Variants in RBFOX1 observed in about 807,000 individuals in gnomAD.
RBFOX1 encodes RNA binding protein fox-1 homolog 1.
A neutral mutation model predicts 57.7 loss-of-function variants in RBFOX1; 8 were observed. The observed-to-expected ratio is 0.14, with a 90% CI of 0.08 to 0.25. The LOEUF (loss-of-function observed/expected upper bound fraction) is 0.25, where lower values mean the gene tolerates loss of function less well. RBFOX1 is among the 10% of genes least tolerant of loss of function. The pLI is 1.00. For missense variants in RBFOX1, 611 were observed against 548.5 expected (o/e 1.11, Z -1.14); for synonymous variants, 326 against 222.4 (o/e 1.47, Z -4.15).
At chr16:7,464,031 C>G (rs914471140) in intron 4 of RBFOX1, among the ~76,000 whole-genome samples, 3 of 152,188 alleles carry the variant, frequency 2.0e-5, no homozygotes, top group African/African-American at 7.2e-5. Context: ...GACTCCAAAG[C>G]CTTGGCTGCT....
intron 4 of RBFOX1, among the ~76,000 whole-genome samples, chr16:7,077,349 T>C (rs2058468226): frequency 4.6e-5 from 7 of 152,050 alleles, no homozygotes; most frequent in Admixed American, 3.3e-4. Flanking sequence ...CTGCAATGAG[T>C]TTTACGTGAT....
intron 4 of RBFOX1, among the ~76,000 whole-genome samples, chr16:5,884,804 G>A (rs2057856266): frequency 6.6e-6 from 1 of 152,124 alleles, no homozygotes; most frequent in Non-Finnish European, 1.5e-5. Context: ...GTGAGGTCCA[G>A]AAGGTGCTCT....
intron 3 of RBFOX1, among the ~76,000 whole-genome samples, chr16:6,832,462 A>G (rs1034595406): frequency 1.3e-5 from 2 of 152,174 alleles, no homozygotes; most frequent in Non-Finnish European, 2.9e-5. Flanking sequence ...AAAACCCAGC[A>G]GTGGTTGACT....
intron 3 of RBFOX1, among the ~76,000 whole-genome samples, chr16:6,685,831 G>A (rs888354603): frequency 7.9e-5 from 12 of 152,054 alleles, no homozygotes; most frequent in Non-Finnish European, 1.6e-4. Context: ...TGTCATGAAA[G>A]TGTTTCCTAC....
chr16:6,567,231 T>G (rs2097279365), intron 2 of RBFOX1, among the ~76,000 whole-genome samples: 1 of 152,218 alleles, frequency 6.6e-6, no homozygotes, highest in Non-Finnish European at 1.5e-5. Flanking sequence ...AGCAGCTTCC[T>G]AATCTCCAAA....
intron 1 of RBFOX1, among the ~76,000 whole-genome samples, chr16:6,188,152 T>C (rs8044490): frequency 0.96 from 146,678 of 152,200 alleles, 70,920 homozygotes; most frequent in East Asian, 1. Context: ...CTGTATCTTC[T>C]ATGTATGCTC....
At chr16:6,533,484 C>A (rs775422290) in intron 2 of RBFOX1, among the ~76,000 whole-genome samples, 7 of 152,166 alleles carry the variant, frequency 4.6e-5, no homozygotes, top group African/African-American at 1.7e-4. Flanking sequence ...GTTCTGGACT[C>A]TACACTTGAC....
chr16:6,600,638 C>T (rs571939121), intron 2 of RBFOX1, among the ~76,000 whole-genome samples: 10 of 152,222 alleles, frequency 6.6e-5, no homozygotes, highest in African/African-American at 1.2e-4. Flanking sequence ...AAACAGTGGA[C>T]GGGACACATC....
intron 3 of RBFOX1, among the ~76,000 whole-genome samples, chr16:6,860,773 C>A (rs184295494): frequency 6.6e-6 from 1 of 152,082 alleles, no homozygotes; most frequent in South Asian, 2.1e-4. Context: ...TGTTGAACAA[C>A]AACAAAAAGT....
intron 4 of RBFOX1, among the ~76,000 whole-genome samples, chr16:7,454,751 T>A (rs954488166): frequency 2.0e-5 from 3 of 152,218 alleles, no homozygotes; most frequent in African/African-American, 7.2e-5. Flanking sequence ...ATTTCTACCA[T>A]GAACATGTGC....
At chr16:5,933,478 C>G (rs1316260364) in intron 4 of RBFOX1, among the ~76,000 whole-genome samples, 2 of 152,146 alleles carry the variant, frequency 1.3e-5, no homozygotes, top group East Asian at 3.9e-4. Flanking sequence ...ATCACAGGGA[C>G]CGTCAGGGTT....
chr16:5,770,627 G>C (rs926131922), intron 3 of RBFOX1, among the ~76,000 whole-genome samples: 1 of 152,172 alleles, frequency 6.6e-6, no homozygotes, highest in African/African-American at 2.4e-5. Flanking sequence ...AACACGCTTT[G>C]CTTTCATTTT....
At chr16:6,126,615 A>G (rs1339788608) in intron 1 of RBFOX1, among the ~76,000 whole-genome samples, 1 of 152,174 alleles carries the variant, frequency 6.6e-6, no homozygotes, top group Non-Finnish European at 1.5e-5. Context: ...CTACCAGGTC[A>G]GGTATGATGG....
chr16:6,508,335 A>C (rs1598482796), intron 2 of RBFOX1, among the ~76,000 whole-genome samples: 1 of 152,330 alleles, frequency 6.6e-6, no homozygotes, highest in Non-Finnish European at 1.5e-5. Flanking sequence ...CCTATGTAAC[A>C]AACCTGCACT....
chr16:7,261,891 G>C (rs2094933120), intron 4 of RBFOX1, among the ~76,000 whole-genome samples: 2 of 152,272 alleles, frequency 1.3e-5, no homozygotes, highest in South Asian at 4.2e-4. Context: ...GGCATCAATA[G>C]TGTGAAAAGC....
chr16:6,889,834 C>T (rs757964654), intron 3 of RBFOX1, among the ~76,000 whole-genome samples: 1 of 152,328 alleles, frequency 6.6e-6, no homozygotes, highest in East Asian at 1.9e-4. Flanking sequence ...TTCACAGACA[C>T]AGCAGGAAAC....
intron 1 of RBFOX1, among the ~76,000 whole-genome samples, chr16:6,096,851 C>T (rs796929133): frequency 7.9e-5 from 12 of 152,326 alleles, no homozygotes; most frequent in South Asian, 6.2e-4. Flanking sequence ...CATCAGCCTC[C>T]GCTGGGAAGG....
intron 14 of RBFOX1, among the ~76,000 whole-genome samples, chr16:7,694,671 T>C (rs2078236292): frequency 6.6e-6 from 1 of 152,214 alleles, no homozygotes; most frequent in Non-Finnish European, 1.5e-5. Flanking sequence ...AACACTTTAC[T>C]AATGCCCAGT....
At chr16:6,891,337 A>C (rs1385384664) in intron 3 of RBFOX1, among the ~76,000 whole-genome samples, 5 of 152,202 alleles carry the variant, frequency 3.3e-5, no homozygotes, top group Admixed American at 6.5e-5. Context: ...AGAGTAGTTA[A>C]TCTACTTGCC....
Sources: allele counts gnomAD v4.1 joint callset (sites outside exome capture counted in the v4.1 genomes callset), GRCh38; gene constraint gnomAD v4.1.1; transcripts MANE v1.5; gene names NCBI Gene and HGNC (gene_info 2026-07-23, HGNC 2026-07-21).